The following CHPT1 variants were observed in gnomAD, a reference collection of about 807,000 sequenced individuals.
CHPT1 encodes the protein choline phosphotransferase 1.
Under a neutral mutation model 47.6 loss-of-function variants are expected in CHPT1, and 36 were observed. That is an observed-to-expected ratio of 0.76 (90% CI 0.58 to 1.00). CHPT1 has a LOEUF of 1.00. Ranked by LOEUF, CHPT1 falls within the 50% of genes least tolerant of loss-of-function variation. The pLI is 0.00. For synonymous variants in CHPT1, 194 were observed against 186.3 expected, an observed-to-expected ratio of 1.04 and a Z score of -0.33; for missense variants, 458 against 498.1, an observed-to-expected ratio of 0.92 and a Z score of 0.77.
At chr12:101,717,000 A>C (rs1414759063) in intron 4 of CHPT1, among the ~76,000 whole-genome samples, 188 bp downstream of exon 4, 1 of 151,764 alleles carries the variant, frequency 6.6e-6, no homozygotes, top group African/African-American at 2.4e-5. Flanking sequence ...TATCCTATAT[A>C]CCTTATGGCA....
chr12:101,702,170 T>C (rs1367472256), intron 1 of CHPT1, among the ~76,000 whole-genome samples: 1 of 152,246 alleles, frequency 6.6e-6, no homozygotes, highest in Non-Finnish European at 1.5e-5. Context: ...AATCTAGTTC[T>C]TCTAACTCCA....
At chr12:101,715,644 A>G (rs1198829302) in intron 3 of CHPT1, among the ~76,000 whole-genome samples, 3 of 152,220 alleles carry the variant, frequency 2.0e-5, no homozygotes, top group Non-Finnish European at 4.4e-5. Context: ...ATAAAAATCT[A>G]CAGCTCAGGA....
intron 1 of CHPT1, among the ~76,000 whole-genome samples, chr12:101,708,072 G>C (rs886148194): frequency 6.6e-6 from 1 of 152,144 alleles, no homozygotes; most frequent in Non-Finnish European, 1.5e-5. Flanking sequence ...TATAAGCTTT[G>C]TGTCTTTGAG....
At chr12:101,706,068 G>A (rs569849221) in intron 1 of CHPT1, among the ~76,000 whole-genome samples, 5 of 151,904 alleles carry the variant, frequency 3.3e-5, no homozygotes, top group South Asian at 4.2e-4. Flanking sequence ...AATAGAATAC[G>A]TGGCTGGGTG....
intron 1 of CHPT1, among the ~76,000 whole-genome samples, chr12:101,699,154 C>T (rs1457936933): frequency 6.6e-6 from 1 of 152,068 alleles, no homozygotes; most frequent in Non-Finnish European, 1.5e-5. Flanking sequence ...GTGGCTCGAT[C>T]TCGGCTCACT....
rs1001871968 is a variant in CHPT1 at position 101,713,001 on chromosome 12, T to C, written c.274-1089T>C. Among the ~76,000 whole-genome samples the C allele has an allele frequency of 2.0e-5, 3 of 148,694 alleles. 1 individual carries two copies. The highest frequency in any genetic ancestry group is 3.0e-5 in the Non-Finnish European group (2 of 66,478). ...TTACCTTTGGGATACTAGATTTTTT[T>C]CCCCTAAGATGTACTTTATGATGGC... On this transcript the variant is annotated intron_variant, in intron 1 of 8. Coordinates refer to ENST00000229266, the MANE Select transcript of CHPT1 (RefSeq NM_020244.3).
rs987241663 is a variant in CHPT1, at chr12:101,728,692, A to C, written c.1177-209A>C. 19 of 543,264 alleles carry C rather than the reference A, an allele frequency of 3.5e-5. No individual in the cohort carries two copies. The Middle Eastern group carries it at 2.1e-3, about 59-fold the overall frequency. 33.7% of individuals were successfully genotyped at this position (543,264 alleles called of 1,614,324 possible). ...TTTAATTGACAGTGTTAGAGAGAAA[A>C]ATTCACTATCATTACTAAAGAGCTG... On this transcript the variant is annotated intron_variant, in intron 8 of 8. Coordinates refer to ENST00000229266, the MANE Select transcript of CHPT1 (RefSeq NM_020244.3).
intron 5 of CHPT1, among the ~76,000 whole-genome samples, chr12:101,721,568 T>C (rs1451723612): frequency 6.6e-6 from 1 of 152,222 alleles, no homozygotes; most frequent in Non-Finnish European, 1.5e-5. Flanking sequence ...AAGCAAAGTA[T>C]ACAATTCATC....
At chr12:101,728,715 C>G (rs1952042530) in intron 8 of CHPT1, 186 bp from the exon 9 acceptor site, 1 of 610,918 alleles carries the variant, frequency 1.6e-6, no homozygotes, top group Non-Finnish European at 2.7e-6. Context: ...TACTAAAGAG[C>G]TGAAAGCTTA....
Position 101,723,295 on chromosome 12 carries a change from G to A in CHPT1, c.908G>A (p.Cys303Tyr), listed in dbSNP as rs1951887432. 2 of 1,608,198 alleles carry A rather than the reference G, an allele frequency of 1.2e-6. No individual in the cohort carries two copies. The highest frequency in any genetic ancestry group is 1.7e-4 in the Middle Eastern group (1 of 5,914). Reference sequence around the variant, plus strand: ...TGTCTTTATATCCTAATGTTTGGATGTGTCTTTGCTAAAGTCTCACAAAAA... The same window carrying A: ...TGTCTTTATATCCTAATGTTTGGATATGTCTTTGCTAAAGTCTCACAAAAA... The part of the protein sequence containing the change: ...HPCLYILMFG[C>Y]VFAKVSQKLV... Residue 303 changes from cysteine to tyrosine, a missense_variant, in exon 6 of 9, where the codon TGT (cysteine) becomes TAT (tyrosine). Coordinates refer to ENST00000229266, the MANE Select transcript of CHPT1 (RefSeq NM_020244.3).
At chr12:101,726,721 T>TA (rs1396591118) in intron 8 of CHPT1, 32 of 369,472 alleles carry the variant, frequency 8.7e-5, no homozygotes, top group Non-Finnish European at 1.4e-4. Context: ...CTCTGAGACT[T>TA]ATCAGACACA....
At chr12:101,707,858 C>T (rs1951654288) in intron 1 of CHPT1, among the ~76,000 whole-genome samples, 1 of 152,240 alleles carries the variant, frequency 6.6e-6, no homozygotes, top group East Asian at 1.9e-4. Context: ...CAATCTTTCT[C>T]CTTCAGTCAC....
chr12:101,713,834 A>G (rs972988872), intron 1 of CHPT1, among the ~76,000 whole-genome samples: 1 of 152,130 alleles, frequency 6.6e-6, no homozygotes, highest in Non-Finnish European at 1.5e-5. Context: ...TGGATGTAAG[A>G]ATCAAGATCA....
At chr12:101,712,105 C>T (rs1951707163) in intron 1 of CHPT1, among the ~76,000 whole-genome samples, 1 of 148,662 alleles carries the variant, frequency 6.7e-6, no homozygotes, top group African/African-American at 2.4e-5. Flanking sequence ...ACTGCACCCT[C>T]GACTTCCCCA....
chr12:101,719,664 A>G, intron 4 of CHPT1: 1 of 374,064 alleles, frequency 2.7e-6, no homozygotes, highest in South Asian at 2.3e-5. Context: ...ACTAAATTCA[A>G]ATGAACTATC....
intron 8 of CHPT1, 140 bp from the exon 9 acceptor site, chr12:101,728,761 A>C (rs907825283): frequency 4.3e-6 from 4 of 926,454 alleles, no homozygotes; most frequent in Non-Finnish European, 4.8e-6. Context: ...TAACTAACTC[A>C]TAACTATTTA....
intron 4 of CHPT1, chr12:101,719,501 A>T (rs1176758762): frequency 7.8e-7 from 1 of 1,274,620 alleles, no homozygotes; most frequent in Admixed American, 2.3e-5. Flanking sequence ...TTTCTTGAAC[A>T]GCAGTTGACC....
Position 101,697,933 on chromosome 12 carries a change from G to A in CHPT1, c.72G>A (p.Ala24=), listed in dbSNP as rs768950447. The A allele has an allele frequency of 2.7e-6, 4 of 1,501,446 alleles. No individual in the cohort carries two copies. The South Asian group carries it at 3.7e-5, about 14-fold the overall frequency. 93.0% of individuals were successfully genotyped at this position (1,501,446 alleles called of 1,614,324 possible). The change falls in exon 1 of 9, where the codon GCG becomes GCA. Residue 24 remains alanine (A), a synonymous_variant. Coordinates refer to ENST00000229266, the MANE Select transcript of CHPT1 (RefSeq NM_020244.3). ...CGCTGAGCGAGCCGCTGAGCGCGGC[G>A]CAGCTGCGGCGACTGGAGGAGCACC... The part of the protein sequence containing the change: ...LRALSEPLSA[A]QLRRLEEHRY...
At chr12:101,712,017 G>T (rs1432238653) in intron 1 of CHPT1, among the ~76,000 whole-genome samples, 1 of 148,110 alleles carries the variant, frequency 6.8e-6, no homozygotes, top group Non-Finnish European at 1.5e-5. Context: ...AACTGAATAT[G>T]ATATTTTATT....
Sources: allele counts gnomAD v4.1 joint callset (sites outside exome capture counted in the v4.1 genomes callset), GRCh38; gene constraint gnomAD v4.1.1; transcripts MANE v1.5; gene names NCBI Gene and HGNC (gene_info 2026-07-23, HGNC 2026-07-21).